The following RBFOX1 variants were observed in gnomAD, a reference collection of about 807,000 sequenced individuals.
The protein encoded by RBFOX1 is RNA binding protein fox-1 homolog 1.
In RBFOX1, 8 loss-of-function variants were observed where a neutral mutation model predicts 57.7. The observed-to-expected ratio is 0.14, with a 90% CI of 0.08 to 0.25. The LOEUF is 0.25. Among genes scored for constraint, RBFOX1 ranks in the 10% least tolerant of loss-of-function variants. RBFOX1 has a pLI of 1.00. For missense variants in RBFOX1, 611 were observed against 548.5 expected (o/e 1.11, Z -1.14); for synonymous variants, 326 against 222.4 (o/e 1.47, Z -4.15).
intron 1 of RBFOX1, among the ~76,000 whole-genome samples, chr16:6,174,101 T>G (rs2096984357): frequency 6.6e-6 from 1 of 152,186 alleles, no homozygotes; most frequent in South Asian, 2.1e-4. Flanking sequence ...GAGAGGCAAC[T>G]TAACAGGTTA....
At chr16:7,241,002 T>C (rs751935525) in intron 4 of RBFOX1, among the ~76,000 whole-genome samples, 2 of 152,218 alleles carry the variant, frequency 1.3e-5, no homozygotes, top group South Asian at 2.1e-4. Context: ...TCTCTTAATA[T>C]ACAACAATAT....
At chr16:6,565,042 A>C (rs1295266641) in intron 2 of RBFOX1, among the ~76,000 whole-genome samples, 5 of 150,642 alleles carry the variant, frequency 3.3e-5, no homozygotes, top group Non-Finnish European at 5.9e-5. Flanking sequence ...ACTAAACAAG[A>C]ATTGCTTGAA....
chr16:6,448,456 C>G (rs944901286), intron 2 of RBFOX1, among the ~76,000 whole-genome samples: 1 of 152,146 alleles, frequency 6.6e-6, no homozygotes, highest in African/African-American at 2.4e-5. Context: ...TGCGCCCAAC[C>G]AGGCATTTTT....
At chr16:6,673,881 C>G (rs41319444) in intron 3 of RBFOX1, among the ~76,000 whole-genome samples, 2,291 of 152,266 alleles carry the variant, frequency 0.015, 34 homozygotes, top group African/African-American at 0.048. Flanking sequence ...AAGAAGCAAA[C>G]ACTTGTTGGA....
At chr16:5,343,770 T>C (rs2065083733) in intron 1 of RBFOX1, among the ~76,000 whole-genome samples, 1 of 152,348 alleles carries the variant, frequency 6.6e-6, no homozygotes. Flanking sequence ...ATTATTTAAC[T>C]TAGAACTTTT....
intron 4 of RBFOX1, among the ~76,000 whole-genome samples, chr16:7,102,530 A>G (rs1031016943): frequency 1.3e-5 from 2 of 152,326 alleles, no homozygotes; most frequent in Admixed American, 6.5e-5. Context: ...TTACTGCTTC[A>G]TTAAATTCCC....
chr16:5,365,649 C>T (rs200764404), intron 1 of RBFOX1: 94 of 308,364 alleles, frequency 3.0e-4, no homozygotes, highest in East Asian at 1.7e-3. Context: ...GCCTGGGTGA[C>T]GGAGTAAGAC....
At chr16:6,935,802 A>G (rs1041423968) in intron 3 of RBFOX1, among the ~76,000 whole-genome samples, 3 of 152,296 alleles carry the variant, frequency 2.0e-5, no homozygotes, top group Non-Finnish European at 2.9e-5. Context: ...CAGAGCATGC[A>G]TGTCTCTAAG....
chr16:5,455,504 A>G (rs1479973356), intron 1 of RBFOX1, among the ~76,000 whole-genome samples: 1 of 152,216 alleles, frequency 6.6e-6, no homozygotes, highest in Non-Finnish European at 1.5e-5. Context: ...AAACCACCCC[A>G]AGGAGGCCTT....
chr16:6,911,779 C>G lies in RBFOX1; in HGVS notation c.-15-140278C>G, dbSNP rs1007908345. Among the ~76,000 whole-genome samples the G allele has an allele frequency of 1.1e-4, 17 of 152,244 alleles. 1 individual carries two copies. The highest frequency in any genetic ancestry group is 3.6e-4 in the African/African-American group (15 of 41,544). ...CCTACAGCAAATAATTTTGTTTCCA[C>G]TTATAGAAGAGATCTATTTTTTCTT... On this transcript the variant is annotated intron_variant, in intron 3 of 15. Transcript: ENST00000550418.
chr16:5,770,325 G>T (rs112979030), intron 3 of RBFOX1, among the ~76,000 whole-genome samples: 2 of 151,652 alleles, frequency 1.3e-5, no homozygotes, highest in Admixed American at 6.6e-5. Context: ...ACTGCTCTTT[G>T]TATGCATTAA....
intron 2 of RBFOX1, among the ~76,000 whole-genome samples, chr16:6,398,802 G>A (rs932158093): frequency 6.6e-6 from 1 of 152,210 alleles, no homozygotes; most frequent in African/African-American, 2.4e-5. Context: ...GCTGTCGCTA[G>A]ATCTACCATG....
At chr16:6,834,705 G>C (rs968887833) in intron 3 of RBFOX1, among the ~76,000 whole-genome samples, 2 of 152,222 alleles carry the variant, frequency 1.3e-5, no homozygotes, top group African/African-American at 4.8e-5. Flanking sequence ...CATGCTAAGT[G>C]ATATCTGGAG....
chr16:5,253,014 G>C (rs577494965), intron 1 of RBFOX1, among the ~76,000 whole-genome samples: 1 of 152,218 alleles, frequency 6.6e-6, no homozygotes, highest in Non-Finnish European at 1.5e-5. Context: ...ATTCATCAGC[G>C]TGAGGGGTTC....
At chr16:7,134,753 C>T (rs541258113) in intron 4 of RBFOX1, among the ~76,000 whole-genome samples, 4 of 152,122 alleles carry the variant, frequency 2.6e-5, no homozygotes, top group African/African-American at 9.7e-5. Context: ...CTGTAGATGG[C>T]TTGTGTGCTG....
At chr16:5,632,448 G>T (rs887532879) in intron 3 of RBFOX1, 3 of 152,208 alleles carry the variant, frequency 2.0e-5, no homozygotes, top group Non-Finnish European at 4.4e-5. Context: ...GATGAAAAGT[G>T]CATAGCATAG....
At chr16:5,555,670 G>T (rs989385589) in intron 2 of RBFOX1, among the ~76,000 whole-genome samples, 3 of 152,112 alleles carry the variant, frequency 2.0e-5, no homozygotes, top group African/African-American at 7.2e-5. Flanking sequence ...GTTGAAGTGA[G>T]GATTGAGGGC....
intron 2 of RBFOX1, among the ~76,000 whole-genome samples, chr16:6,375,551 T>A (rs2091062131): frequency 2.0e-5 from 3 of 152,076 alleles, no homozygotes; most frequent in Non-Finnish European, 4.4e-5. Flanking sequence ...TCGGCTCATT[T>A]GAAAATACTC....
chr16:7,007,650 T>C (rs970218113), intron 3 of RBFOX1, among the ~76,000 whole-genome samples: 2 of 152,186 alleles, frequency 1.3e-5, no homozygotes, highest in Admixed American at 6.5e-5. Flanking sequence ...TTCTACTCTT[T>C]CTTGTTTGGA....
Sources: allele counts gnomAD v4.1 joint callset (sites outside exome capture counted in the v4.1 genomes callset), GRCh38; gene constraint gnomAD v4.1.1; transcripts MANE v1.5; gene names NCBI Gene and HGNC (gene_info 2026-07-23, HGNC 2026-07-21).